RBFOX1: variants seen among roughly 807,000 people sequenced by gnomAD.
The protein encoded by RBFOX1 is RNA binding fox-1 homolog 1, also known as RNA binding protein fox-1 homolog 1.
Under a neutral mutation model 57.7 loss-of-function variants are expected in RBFOX1, and 8 were observed. That is an observed-to-expected ratio of 0.14 (90% confidence interval 0.08 to 0.25). The LOEUF (loss-of-function observed/expected upper bound fraction) is 0.25. Among genes scored for constraint, RBFOX1 ranks in the 10% least tolerant of loss-of-function variants. RBFOX1 has a pLI of 1.00. For synonymous variants in RBFOX1, 326 were observed against 222.4 expected, an observed-to-expected ratio of 1.47 and a Z score of -4.15; for missense variants, 611 against 548.5, an observed-to-expected ratio of 1.11 and a Z score of -1.14.
chr16:6,445,206 G>C (rs1309944430), intron 2 of RBFOX1, among the ~76,000 whole-genome samples: 1 of 152,028 alleles, frequency 6.6e-6, no homozygotes, highest in Non-Finnish European at 1.5e-5. Flanking sequence ...GAAATAATAA[G>C]TTTAGCCTGA....
chr16:6,787,558 C>G (rs1340603226), intron 3 of RBFOX1, among the ~76,000 whole-genome samples: 1 of 152,086 alleles, frequency 6.6e-6, no homozygotes, highest in African/African-American at 2.4e-5. Flanking sequence ...TGTGCCAATT[C>G]CAGATTTAGC....
rs1393782627 is a variant in RBFOX1, at chr16:6,425,685, T to C, written c.-64+108628T>C. ...GCATTTCTGTGGGGAAGATTTGTATTGCCTGGTTTATTCTGTGGATCTAAT... is the reference window on the plus strand; with the variant it reads ...GCATTTCTGTGGGGAAGATTTGTATCGCCTGGTTTATTCTGTGGATCTAAT... On this transcript the variant is annotated intron_variant, in intron 2 of 15. Coordinates refer to ENST00000550418, the MANE Select transcript of RBFOX1 (RefSeq NM_018723.4). 2.0e-5 allele frequency among the ~76,000 whole-genome samples: 3 copies of C among 152,186 alleles called. No homozygotes were observed. In the East Asian group the frequency reaches 5.8e-4, roughly 29 times the overall value.
chr16:6,794,794 A>T (rs2083633212), intron 3 of RBFOX1, among the ~76,000 whole-genome samples: 1 of 152,120 alleles, frequency 6.6e-6, no homozygotes, highest in African/African-American at 2.4e-5. Context: ...TTCTTTCAGT[A>T]GCAGATGGTA....
chr16:7,692,934 C>G (rs527460795), intron 14 of RBFOX1, among the ~76,000 whole-genome samples: 1 of 151,772 alleles, frequency 6.6e-6, no homozygotes, highest in Non-Finnish European at 1.5e-5. Context: ...ATTTTTCTAG[C>G]TAGCTGTAGT....
intron 3 of RBFOX1, among the ~76,000 whole-genome samples, chr16:5,675,942 G>A (rs1235059785): frequency 6.6e-6 from 1 of 152,108 alleles, no homozygotes; most frequent in Non-Finnish European, 1.5e-5. Flanking sequence ...GACTCAATGG[G>A]CTAAGTCTTT....
At chr16:6,360,091 C>T (rs1004878689) in intron 2 of RBFOX1, among the ~76,000 whole-genome samples, 13 of 152,116 alleles carry the variant, frequency 8.5e-5, no homozygotes, top group African/African-American at 2.9e-4. Context: ...CAATTTCGTT[C>T]ATTTCCATGG....
At chr16:7,093,775 T>C (rs1033305580) in intron 4 of RBFOX1, among the ~76,000 whole-genome samples, 7 of 152,142 alleles carry the variant, frequency 4.6e-5, no homozygotes, top group African/African-American at 7.2e-5. Flanking sequence ...ATCAGTACTT[T>C]TTTGTGTTTT....
chr16:6,636,797 GTTATATATAATATATAATA>G (rs2098438034), intron 2 of RBFOX1, among the ~76,000 whole-genome samples: 1 of 3,642 alleles, frequency 2.7e-4, no homozygotes, highest in Non-Finnish European at 4.1e-3. Context: ...TATAATATAT[GTTATATATAATATATAATA>G]TATAATATAT....
At chr16:6,883,387 T>A (rs2063342856) in intron 3 of RBFOX1, among the ~76,000 whole-genome samples, 1 of 152,190 alleles carries the variant, frequency 6.6e-6, no homozygotes, top group Non-Finnish European at 1.5e-5. Context: ...GCCTTTAAAA[T>A]CACAGATTTC....
chr16:6,595,000 G>C (rs1043632842), intron 2 of RBFOX1, among the ~76,000 whole-genome samples: 1 of 152,004 alleles, frequency 6.6e-6, no homozygotes, highest in African/African-American at 2.4e-5. Context: ...TGTTGGCCAG[G>C]CTGGTCTTGG....
chr16:5,255,872 G>A lies in RBFOX1; in HGVS notation c.219+15767G>A, dbSNP rs926951947. On this transcript the variant is annotated intron_variant, in intron 1 of 2. Transcript: ENST00000585867. ...CTCAAACTGAGCTGCCTCCTAGCTA[G>A]CTGCTTGGGTAAGTTACAGAAACTG... Among the ~76,000 whole-genome samples, 5 of 152,152 alleles carry A rather than the reference G, an allele frequency of 3.3e-5. No homozygotes were observed. The East Asian group carries it at 7.8e-4, about 24-fold the overall frequency.
Position 6,307,850 on chromosome 16 carries a change from A to G in RBFOX1, c.-126-9145A>G, listed in dbSNP as rs1294546595. Among the ~76,000 whole-genome samples, 3 of 146,862 alleles carry G rather than the reference A, an allele frequency of 2.0e-5. No individual in the cohort carries two copies. In the East Asian group the frequency reaches 6.3e-4, roughly 31 times the overall value. On this transcript the variant is annotated intron_variant, in intron 1 of 15. Transcript: ENST00000550418. ...TATTTATATGTTTATTTGGATTATT[A>G]CTTTTATATTTCTATAAATGATAAT...
chr16:6,417,480 C>T (rs1229421124), intron 2 of RBFOX1, among the ~76,000 whole-genome samples: 1 of 138,622 alleles, frequency 7.2e-6, no homozygotes, highest in Non-Finnish European at 1.5e-5. Context: ...ATCTCTGTCT[C>T]CTGAGTTCAA....
chr16:6,656,097 A>G (rs1414589604), intron 3 of RBFOX1, among the ~76,000 whole-genome samples: 1 of 152,152 alleles, frequency 6.6e-6, no homozygotes, highest in Non-Finnish European at 1.5e-5. Context: ...ATGCTGGTAT[A>G]TGCATGTGTG....
intron 3 of RBFOX1, among the ~76,000 whole-genome samples, chr16:6,812,988 CTTTT>C (rs976638093): frequency 1.3e-5 from 2 of 151,948 alleles, no homozygotes; most frequent in Admixed American, 1.3e-4. Flanking sequence ...CTACTTCTCT[CTTTT>C]TTGTTAGATT....
intron 2 of RBFOX1, among the ~76,000 whole-genome samples, chr16:6,431,695 G>A (rs1036373344): frequency 3.3e-5 from 5 of 152,056 alleles, no homozygotes; most frequent in African/African-American, 1.2e-4. Context: ...TGGGAAGCCA[G>A]CCATCACAGG....
chr16:7,230,393 C>T (rs1460132272), intron 4 of RBFOX1, among the ~76,000 whole-genome samples: 1 of 152,106 alleles, frequency 6.6e-6, no homozygotes, highest in Admixed American at 6.5e-5. Flanking sequence ...CTTAACATAT[C>T]AGCTTCCATA....
At chr16:7,674,554 C>T (rs998100384) in intron 13 of RBFOX1, among the ~76,000 whole-genome samples, 8 of 152,170 alleles carry the variant, frequency 5.3e-5, no homozygotes, top group African/African-American at 1.9e-4. Flanking sequence ...CAGGAATGCT[C>T]ACAAGCAAAT....
chr16:5,877,653 G>T (rs192284931), intron 4 of RBFOX1, among the ~76,000 whole-genome samples: 4 of 152,370 alleles, frequency 2.6e-5, no homozygotes. Context: ...GCAGCAGAGG[G>T]ACTGCTCCTT....
Sources: gnomAD v4.1 joint callset for allele counts (sites outside exome capture counted in the v4.1 genomes callset) on GRCh38, gnomAD v4.1.1 for gene constraint, MANE v1.5 for transcripts, NCBI Gene and HGNC (gene_info 2026-07-23, HGNC 2026-07-21) for gene names.